Variants in RPRD1B observed in about 807,000 individuals in gnomAD.
RPRD1B encodes regulation of nuclear pre-mRNA domain-containing protein 1B.
RPRD1B carries 11 observed loss-of-function variants against 41.5 expected under a neutral mutation model. That is an observed-to-expected ratio of 0.27 (90% CI 0.17 to 0.44). The LOEUF (loss-of-function observed/expected upper bound fraction) is 0.44, where lower values mean the gene tolerates loss of function less well. Among genes scored for constraint, RPRD1B ranks in the 20% least tolerant of loss-of-function variants. The pLI, the probability that RPRD1B is intolerant of heterozygous loss-of-function variation, is 1.00. For synonymous variants in RPRD1B, 158 were observed against 155.6 expected (o/e 1.02, Z -0.12); for missense variants, 248 against 389.9 (o/e 0.64, Z 3.06).
intron 6 of RPRD1B, among the ~76,000 whole-genome samples, chr20:38,073,107 A>G (rs1241267782): frequency 1.3e-5 from 2 of 152,214 alleles, no homozygotes; most frequent in African/African-American, 4.8e-5. Flanking sequence ...TGATTCTGCA[A>G]CATCAACAGC....
intron 2 of RPRD1B, 124 bp from the exon 3 acceptor site, chr20:38,048,224 A>T (rs950979316): frequency 1.0e-6 from 1 of 989,268 alleles, no homozygotes; most frequent in Admixed American, 3.0e-5. Context: ...TATGTACCTT[A>T]TTTGGTTTTA....
chr20:38,035,323 G>A (rs753698877), intron 1 of RPRD1B, among the ~76,000 whole-genome samples: 4 of 152,192 alleles, frequency 2.6e-5, no homozygotes, highest in Non-Finnish European at 5.9e-5. Context: ...CCCTATATGT[G>A]GTAGGCCTTT....
chr20:38,048,572 C>T, intron 3 of RPRD1B, 91 bp downstream of exon 3: 1 of 1,495,402 alleles, frequency 6.7e-7, no homozygotes, highest in African/African-American at 1.4e-5. Context: ...CTGTGAACCA[C>T]CAGCGATTTT....
chr20:38,038,345 G>A (rs369293186), intron 1 of RPRD1B, among the ~76,000 whole-genome samples: 1 of 141,496 alleles, frequency 7.1e-6, no homozygotes, highest in East Asian at 2.1e-4. Flanking sequence ...CTCTTACTCT[G>A]TCACCCAGGT....
intron 5 of RPRD1B, among the ~76,000 whole-genome samples, chr20:38,065,410 T>C (rs1179828710): frequency 1.3e-5 from 2 of 152,164 alleles, no homozygotes; most frequent in Non-Finnish European, 2.9e-5. Flanking sequence ...TCCATATCCA[T>C]GGGGGTTTGG....
intron 5 of RPRD1B, among the ~76,000 whole-genome samples, chr20:38,064,190 A>G (rs2074329290): frequency 6.6e-6 from 1 of 152,124 alleles, no homozygotes; most frequent in Admixed American, 6.5e-5. Flanking sequence ...TTTGTGTTCC[A>G]TTCCGCTCAC....
At chr20:38,089,273 A>G (rs2074591105) in intron 6 of RPRD1B, among the ~76,000 whole-genome samples, 1 of 152,152 alleles carries the variant, frequency 6.6e-6, no homozygotes, top group Non-Finnish European at 1.5e-5. Context: ...GCTTGTTTGC[A>G]AAACATGATA....
rs551900839 is a variant in RPRD1B at position 38,067,154 on chromosome 20, C to T, written c.831+898C>T. ...GGGAGGGAGTTCAGAAACATTTCCTCACCATACACTTGTTTGGCTTCGTAA... is the reference window on the plus strand; with the variant it reads ...GGGAGGGAGTTCAGAAACATTTCCTTACCATACACTTGTTTGGCTTCGTAA... On this transcript the variant is annotated intron_variant, in intron 6 of 6. Coordinates refer to ENST00000373433, the MANE Select transcript of RPRD1B (RefSeq NM_021215.4). Among the ~76,000 whole-genome samples the T allele has an allele frequency of 2.0e-5, 3 of 152,332 alleles. No individual in the cohort carries two copies. In the East Asian group the frequency reaches 5.8e-4, roughly 29 times the overall value.
At chr20:38,076,287 A>G (rs144789821) in intron 6 of RPRD1B, among the ~76,000 whole-genome samples, 2 of 152,282 alleles carry the variant, frequency 1.3e-5, no homozygotes, top group African/African-American at 4.8e-5. Context: ...TTTATCTTTG[A>G]TGTGACTTTT....
At chr20:38,086,242 C>G (rs959601446) in intron 6 of RPRD1B, among the ~76,000 whole-genome samples, 4 of 152,178 alleles carry the variant, frequency 2.6e-5, no homozygotes, top group African/African-American at 9.7e-5. Flanking sequence ...CTACTTGAGT[C>G]TATTTAGTGG....
intron 2 of RPRD1B, among the ~76,000 whole-genome samples, chr20:38,043,480 C>G (rs1383358138): frequency 6.6e-6 from 1 of 152,008 alleles, no homozygotes; most frequent in African/African-American, 2.4e-5. Flanking sequence ...CCAATATATT[C>G]CAACATACAT....
intron 1 of RPRD1B, among the ~76,000 whole-genome samples, chr20:38,035,768 G>GTT (rs5841283): frequency 2.1e-5 from 3 of 142,346 alleles, no homozygotes; most frequent in Non-Finnish European, 1.5e-5. Flanking sequence ...CATTTTTTTT[G>GTT]TTTTTTTTTT....
At chr20:38,045,527 A>AC (rs1383091729) in intron 2 of RPRD1B, among the ~76,000 whole-genome samples, 2 of 151,552 alleles carry the variant, frequency 1.3e-5, no homozygotes, top group Non-Finnish European at 2.9e-5. Flanking sequence ...TTAAACTAGA[A>AC]CCCCCCTTTT....
chr20:38,082,831 TAGAG>T (rs2074526749), intron 6 of RPRD1B, among the ~76,000 whole-genome samples: 1 of 152,208 alleles, frequency 6.6e-6, no homozygotes. Context: ...TTTTTTATTA[TAGAG>T]AGAGCTGTAT....
intron 5 of RPRD1B, among the ~76,000 whole-genome samples, chr20:38,061,444 C>T (rs1600413983): frequency 6.6e-6 from 1 of 152,296 alleles, no homozygotes; most frequent in Non-Finnish European, 1.5e-5. Context: ...ATTTTCTAAA[C>T]CCGCCTCTCT....
chr20:38,091,961 A>G lies in RPRD1B; in HGVS notation c.*2086A>G. 2.0e-6 allele frequency: 2 copies of G among 985,852 alleles called. No homozygotes were observed. Among genetic ancestry groups the G allele is most frequent in the Non-Finnish European group, 2.4e-6 (2 of 829,910 alleles). The allele number at this position is 985,852 out of a possible 1,614,324, so 61.1% of individuals were successfully genotyped here. Reference sequence around the variant, plus strand: ...CTAGTGGACTTCCTGTGAGGAAGTTAGTTTTTTGTTTTGATGAAATGCTTT... The same window carrying G: ...CTAGTGGACTTCCTGTGAGGAAGTTGGTTTTTTGTTTTGATGAAATGCTTT... On this transcript the variant is annotated 3_prime_UTR_variant, in exon 7 of 7. Coordinates refer to ENST00000373433, the MANE Select transcript of RPRD1B (RefSeq NM_021215.4).
chr20:38,061,109 T>C (rs1334767599), intron 5 of RPRD1B, among the ~76,000 whole-genome samples: 1 of 152,244 alleles, frequency 6.6e-6, no homozygotes. Context: ...TAAAATACTT[T>C]TTTAATTTTG....
intron 6 of RPRD1B, among the ~76,000 whole-genome samples, chr20:38,079,140 G>A (rs562058059): frequency 8.5e-5 from 13 of 152,134 alleles, no homozygotes; most frequent in South Asian, 4.1e-4. Context: ...AGCTTCCCCC[G>A]TGCCATAGGC....
chr20:38,074,563 A>G (rs1487433102), intron 6 of RPRD1B, among the ~76,000 whole-genome samples: 3 of 152,164 alleles, frequency 2.0e-5, no homozygotes, highest in Non-Finnish European at 4.4e-5. Context: ...TTGTAGCCCA[A>G]CTTCTGTGGG....
Sources: gnomAD v4.1 joint callset for allele counts (sites outside exome capture counted in the v4.1 genomes callset) on GRCh38, gnomAD v4.1.1 for gene constraint, MANE v1.5 for transcripts, NCBI Gene and HGNC (gene_info 2026-07-23, HGNC 2026-07-21) for gene names.